Variants in TTYH2 observed in about 807,000 individuals in gnomAD.
TTYH2 encodes the protein protein tweety homolog 2.
TTYH2 carries 49 observed loss-of-function variants against 68.3 expected under a neutral mutation model. That is an observed-to-expected ratio of 0.72 (90% CI 0.57 to 0.91). The LOEUF (loss-of-function observed/expected upper bound fraction) is 0.91, where lower values mean the gene tolerates loss of function less well. Ranked by LOEUF, TTYH2 falls within the 40% of genes least tolerant of loss-of-function variation. The pLI, the probability that TTYH2 is intolerant of heterozygous loss-of-function variation, is 0.00. For missense variants in TTYH2, 631 were observed against 700.4 expected (o/e 0.90, Z 1.12); for synonymous variants, 272 against 300.8 (o/e 0.90, Z 0.99).
intron 1 of TTYH2, among the ~76,000 whole-genome samples, chr17:74,221,272 G>A (rs539010830): frequency 2.0e-5 from 3 of 152,288 alleles, no homozygotes; most frequent in Admixed American, 6.5e-5. Flanking sequence ...GGCTGGCAGC[G>A]TGGCCTCCAG....
At chr17:74,229,520 A>G (rs2050365978) in intron 2 of TTYH2, among the ~76,000 whole-genome samples, 2 of 151,850 alleles carry the variant, frequency 1.3e-5, no homozygotes, top group African/African-American at 4.8e-5. Context: ...TACTCACCGC[A>G]GCCCCCAGGA....
rs777580224 is a variant in TTYH2, at chr17:74,249,972, C to G, written c.967C>G (p.Gln323Glu). ...CTTCCAGCGCGCACTTACCACCATG[C>G]AGATCCAGGTCGCGGGGCTGCTGCA... is the stretch of plus-strand genomic sequence containing the variant. ...TTFQRALTTMQIQVAGLLQFA... is the reference protein window; with the variant it reads ...TTFQRALTTMEIQVAGLLQFA... The change falls in exon 9 of 14, where the codon CAG becomes GAG. Residue 323 changes from glutamine (Q) to glutamate (E), a missense_variant. By Grantham distance (29) the Gln-to-Glu change is conservative. Transcript: ENST00000269346. The G allele has an allele frequency of 1.9e-6, 3 of 1,614,126 alleles. No homozygotes were observed. The Admixed American group carries it at 5.0e-5, about 27-fold the overall frequency.
At chr17:74,236,778 G>A (rs2050446630) in intron 3 of TTYH2, among the ~76,000 whole-genome samples, 1 of 152,156 alleles carries the variant, frequency 6.6e-6, no homozygotes, top group South Asian at 2.1e-4. Flanking sequence ...GGGACATGAG[G>A]ACTGGGTGGG....
At chr17:74,243,814 T>G (rs966769755) in intron 5 of TTYH2, among the ~76,000 whole-genome samples, 163 bp from the exon 6 acceptor site, 1 of 146,176 alleles carries the variant, frequency 6.8e-6, no homozygotes, top group Non-Finnish European at 1.5e-5. Flanking sequence ...CTCAAGGACC[T>G]GGGCTCCATG....
chr17:74,231,609 G>A (rs2050390599), intron 3 of TTYH2, among the ~76,000 whole-genome samples: 1 of 152,036 alleles, frequency 6.6e-6, no homozygotes, highest in African/African-American at 2.4e-5. Context: ...CCTGGGAAGC[G>A]GAGGTTGCAG....
At chr17:74,258,273 T>G (rs1306077302) in intron 13 of TTYH2, among the ~76,000 whole-genome samples, 11 of 152,054 alleles carry the variant, frequency 7.2e-5, no homozygotes, top group Admixed American at 7.2e-4. Flanking sequence ...TGTGCCTTTT[T>G]TGTTTTTTTG....
At chr17:74,237,621 ATT>A (rs66675439) in intron 4 of TTYH2, 107 bp downstream of exon 4, 58 of 898,816 alleles carry the variant, frequency 6.5e-5, no homozygotes, top group South Asian at 8.0e-5. Flanking sequence ...ACTGGAAAGT[ATT>A]TTTTTTTTGT....
At chr17:74,230,643 C>CT (rs749699251) in intron 2 of TTYH2, among the ~76,000 whole-genome samples, 3,187 of 141,794 alleles carry the variant, frequency 0.022, 112 homozygotes, top group African/African-American at 0.071. Flanking sequence ...TAAAAACAAG[C>CT]TTTTTTTTTT....
chr17:74,224,004 C>T lies in TTYH2; in HGVS notation c.302+1347C>T, dbSNP rs549578695. ...GACCAAGGCTGCTGCAATACATGGCCGGGGCTGAAATAAGAGACTCAGAGG... is the reference window on the plus strand; with the variant it reads ...GACCAAGGCTGCTGCAATACATGGCTGGGGCTGAAATAAGAGACTCAGAGG... On this transcript the variant is annotated intron_variant, in intron 2 of 13. Coordinates refer to ENST00000269346, the MANE Select transcript of TTYH2 (RefSeq NM_032646.6). Among the ~76,000 whole-genome samples the T allele has an allele frequency of 7.9e-5, 12 of 152,292 alleles. 1 individual carries two copies. The East Asian group carries it at 1.9e-3, about 24-fold the overall frequency.
chr17:74,230,269 A>G (rs114953162), intron 2 of TTYH2, among the ~76,000 whole-genome samples: 1 of 116,160 alleles, frequency 8.6e-6, no homozygotes, highest in African/African-American at 4.0e-5. Flanking sequence ...TTTTTTTTTT[A>G]ATTTTTGCAG....
rs540517978 is a variant in TTYH2, at chr17:74,223,951, C to T, written c.302+1294C>T. Among the ~76,000 whole-genome samples the T allele has an allele frequency of 8.5e-5, 13 of 152,316 alleles. No individual in the cohort carries two copies. In the South Asian group the frequency reaches 1.7e-3, roughly 19 times the overall value. On this transcript the variant is annotated intron_variant, in intron 2 of 13. Coordinates refer to ENST00000269346, the MANE Select transcript of TTYH2 (RefSeq NM_032646.6). The stretch of plus-strand genomic sequence containing the variant: ...GAGACGCTAAAGCAGCCTTGTGGGG[C>T]GGACAAAGCTCTGAGCACAAGGAAG...
chr17:74,251,613 C>T (rs1186307461), intron 10 of TTYH2, among the ~76,000 whole-genome samples: 2 of 151,902 alleles, frequency 1.3e-5, no homozygotes, highest in Non-Finnish European at 2.9e-5. Flanking sequence ...TCCATGGCTT[C>T]CACCACGATC....
Position 74,241,372 on chromosome 17 carries a change from G to T in TTYH2, c.636-2002G>T. Among the ~76,000 whole-genome samples, 1 of 151,942 alleles carries T rather than the reference G, an allele frequency of 6.6e-6. No individual in the cohort carries two copies. Among genetic ancestry groups the T allele is most frequent in the Admixed American group, 6.6e-5 (1 of 15,248 alleles). Reference sequence around the variant, plus strand: ...CTTCCAGCTCTGAGCTAAGTCTAAGGAAACTGGCTTCTTGGTGGCAGCAGG... The same window carrying T: ...CTTCCAGCTCTGAGCTAAGTCTAAGTAAACTGGCTTCTTGGTGGCAGCAGG... On this transcript the variant is annotated intron_variant, in intron 4 of 13. Coordinates refer to ENST00000269346, the MANE Select transcript of TTYH2 (RefSeq NM_032646.6). The surrounding 1 kb of genome is among the most constrained non-coding windows in gnomAD (Gnocchi z 4.1).
At chr17:74,244,196 C>T (rs951755854) in intron 6 of TTYH2, 147 bp downstream of exon 6, 13 of 724,992 alleles carry the variant, frequency 1.8e-5, no homozygotes, top group Admixed American at 1.1e-4. Flanking sequence ...TCATCTGAAC[C>T]GGCCCCTCTC....
At chr17:74,227,746 C>CTTGTTTTTTTT (rs765992669) in intron 2 of TTYH2, among the ~76,000 whole-genome samples, 10 of 138,070 alleles carry the variant, frequency 7.2e-5, no homozygotes, top group African/African-American at 1.9e-4. Flanking sequence ...ATGCAGGAAC[C>CTTGTTTTTTTT]TTGTTTTTTT....
At position 74,244,037 on chromosome 17, in the gene TTYH2, C is replaced by G. The variant is rs777554560; in HGVS notation, c.792C>G (p.Gly264=). 6.2e-7 allele frequency: 1 copy of G among 1,611,920 alleles called. No homozygotes were observed. Among genetic ancestry groups the G allele is most frequent in the Non-Finnish European group, 8.5e-7 (1 of 1,179,866 alleles). The part of the protein sequence containing the change: ...LLSWASLAAD[G]SAAVATSDFC... ...GTTGGGCATCCCTGGCCGCTGATGG[C>G]TCTGCGGCAGTGGTGAGTTGGGGGA... The change falls in exon 6 of 14, where the codon GGC becomes GGG. Residue 264 remains glycine, a synonymous_variant. Coordinates refer to ENST00000269346, the MANE Select transcript of TTYH2 (RefSeq NM_032646.6).
At position 74,237,472 on chromosome 17, in the gene TTYH2, T is replaced by A. The variant is rs1020214325; in HGVS notation, c.593T>A (p.Leu198Gln). ...LPVWREVTME[L>Q]TKLSDQTGYV... ...GTGTGGAGGGAGGTCACCATGGAGC[T>A]GACCAAGCTATCCGACCAGACTGGC... The change falls in exon 4 of 14, where the codon CTG becomes CAG. Residue 198 changes from leucine to glutamine, a missense_variant. By Grantham distance (113) the Leu-to-Gln change is moderately radical. Coordinates refer to ENST00000269346, the MANE Select transcript of TTYH2 (RefSeq NM_032646.6). 6.2e-7 allele frequency: 1 copy of A among 1,613,756 alleles called. No individual in the cohort carries two copies. The highest frequency in any genetic ancestry group is 1.3e-5 in the African/African-American group (1 of 74,986).
chr17:74,249,186 T>C, intron 7 of TTYH2, 106 bp downstream of exon 7: 2 of 1,574,722 alleles, frequency 1.3e-6, no homozygotes, highest in Non-Finnish European at 1.7e-6. Context: ...TCCTCAACCC[T>C]GAACTTCAAG....
In TTYH2 at chr17:74,215,400, A is replaced by T. The variant is rs1471825750; in HGVS notation, c.129+1684A>T. Among the ~76,000 whole-genome samples, 1 of 152,136 alleles carries T rather than the reference A, an allele frequency of 6.6e-6. No homozygotes were observed. Among genetic ancestry groups the T allele is most frequent in the African/African-American group, 2.4e-5 (1 of 41,426 alleles). ...TCAGCCCAACAGCTGTGGCTGGTGG[A>T]TCCTGGGCCTGCCCACAGCCCCCTC... On this transcript the variant is annotated intron_variant, in intron 1 of 13. Coordinates refer to ENST00000269346, the MANE Select transcript of TTYH2 (RefSeq NM_032646.6). This position sits in a 1 kb window ranked among gnomAD's most constrained non-coding sequence, Gnocchi z 4.3.
Sources: gnomAD v4.1 joint callset for allele counts (sites outside exome capture counted in the v4.1 genomes callset) on GRCh38, gnomAD v4.1.1 for gene constraint, Gnocchi (gnomAD v3.1) non-coding constraint, MANE v1.5 for transcripts, NCBI Gene and HGNC (gene_info 2026-07-23, HGNC 2026-07-21) for gene names.